The following HERC3 variants were observed in gnomAD, a reference collection of about 807,000 sequenced individuals.
The protein encoded by HERC3 is HECT and RLD domain containing E3 ubiquitin protein ligase 3.
HERC3 carries 58 observed loss-of-function variants against 129.9 expected under a neutral mutation model. The observed-to-expected ratio is 0.45, with a 90% CI of 0.36 to 0.56. HERC3 has a LOEUF of 0.56. HERC3 is among the 20% of genes least tolerant of loss of function. HERC3 has a pLI of 0.00. For missense variants in HERC3, 835 were observed against 1,244.2 expected, an observed-to-expected ratio of 0.67 and a Z score of 4.95; for synonymous variants, 430 against 451.0, an observed-to-expected ratio of 0.95 and a Z score of 0.59.
the HERC3 span, among the ~76,000 whole-genome samples, chr4:88,564,024 T>C: frequency 3.3e-5 from 5 of 152,228 alleles, no homozygotes; most frequent in South Asian, 4.1e-4. Flanking sequence ...ATCAAATGCT[T>C]TTTCTACATC....
At chr4:88,623,474 GA>G (rs1214727035) in intron 3 of HERC3, among the ~76,000 whole-genome samples, 1 of 152,150 alleles carries the variant, frequency 6.6e-6, no homozygotes, top group Admixed American at 6.5e-5. Flanking sequence ...ATGAATGAAT[GA>G]ATAGCTCATT....
At chr4:88,669,607 T>C (rs141863934) in intron 14 of HERC3, among the ~76,000 whole-genome samples, 6 of 152,344 alleles carry the variant, frequency 3.9e-5, no homozygotes, top group African/African-American at 1.4e-4. Context: ...AATTGGACTT[T>C]TAAGTTAACC....
the HERC3 span, among the ~76,000 whole-genome samples, chr4:88,550,612 C>T: frequency 3.3e-5 from 5 of 152,152 alleles, no homozygotes; most frequent in Non-Finnish European, 1.5e-5. Context: ...GAACTACAAA[C>T]CGCTGCTCAA....
the HERC3 span, among the ~76,000 whole-genome samples, chr4:88,541,781 G>T: frequency 5.3e-5 from 8 of 152,190 alleles, no homozygotes; most frequent in Non-Finnish European, 8.8e-5. Context: ...TAGAACTCAG[G>T]ATTAAGAAAC....
chr4:88,671,477 A>C (rs984695146), intron 16 of HERC3, among the ~76,000 whole-genome samples: 1 of 152,200 alleles, frequency 6.6e-6, no homozygotes, highest in Non-Finnish European at 1.5e-5. Context: ...TAAAAAATGC[A>C]TACAATGTTT....
chr4:88,588,879 A>T (rs114355705), upstream of HERC3, among the ~76,000 whole-genome samples: 1,367 of 152,314 alleles, frequency 9.0e-3, 18 homozygotes, highest in African/African-American at 0.031. Flanking sequence ...CACTGGGCAT[A>T]CCTTGTCTAA....
chr4:88,596,630 C>G (rs978145886), intron 2 of HERC3, among the ~76,000 whole-genome samples: 2 of 152,242 alleles, frequency 1.3e-5, no homozygotes, highest in African/African-American at 4.8e-5. Context: ...AGCAGCCATA[C>G]TGCCTCAACA....
Position 88,621,150 on chromosome 4 carries a change from C to T in HERC3, c.226+15101C>T, listed in dbSNP as rs114566217. Among the ~76,000 whole-genome samples the T allele has an allele frequency of 6.7e-3, 1,027 of 152,242 alleles. 12 individuals carry two copies. The highest frequency in any genetic ancestry group is 0.024 in the African/African-American group (977 of 41,526). ...TGAGTCGGAGTCTCGCTCTGTCACCCAGCTGGAGTGCAGTGGTACGATCTT... is the reference window on the plus strand; with the variant it reads ...TGAGTCGGAGTCTCGCTCTGTCACCTAGCTGGAGTGCAGTGGTACGATCTT... On this transcript the variant is annotated intron_variant, in intron 3 of 25. Coordinates refer to ENST00000402738, the MANE Select transcript of HERC3 (RefSeq NM_014606.3).
At position 88,600,655 on chromosome 4, in the gene HERC3, A is replaced by C. The variant is rs535701148; in HGVS notation, c.-30+5041A>C. ...GCTTTTCCATTGTATCTATAGCTTC[A>C]TTATGTACTCTGGATATTACTTTAG... On this transcript the variant is annotated intron_variant, in intron 2 of 25. Coordinates refer to ENST00000402738, the MANE Select transcript of HERC3 (RefSeq NM_014606.3). 2.0e-5 allele frequency among the ~76,000 whole-genome samples: 3 copies of C among 152,308 alleles called. No homozygotes were observed. In the South Asian group the frequency reaches 6.2e-4, roughly 32 times the overall value.
chr4:88,708,362 G>A lies in HERC3; in HGVS notation c.*1402G>A, dbSNP rs1735934641. ...AAGCATCAAATCTTGATGAAGGATT[G>A]TAGATTTTTGCTTTTTCTTTTTGTT... On this transcript the variant is annotated 3_prime_UTR_variant, in exon 26 of 26. Coordinates refer to ENST00000402738, the MANE Select transcript of HERC3 (RefSeq NM_014606.3). 1 of 152,464 alleles carries A rather than the reference G, an allele frequency of 6.6e-6. No individual in the cohort carries two copies. Among genetic ancestry groups the A allele is most frequent in the African/African-American group, 2.4e-5 (1 of 41,382 alleles). The allele number at this position is 152,464 out of a possible 1,614,324, so 9.4% of individuals were successfully genotyped here. A position where few individuals can be genotyped will look rare whatever the true frequency, so the allele number is the denominator to read the frequency against.
chr4:88,603,104 T>A (rs1723195161), intron 2 of HERC3, among the ~76,000 whole-genome samples: 1 of 152,164 alleles, frequency 6.6e-6, no homozygotes, highest in Non-Finnish European at 1.5e-5. Flanking sequence ...TAGACACCAC[T>A]GTTCTCAAAA....
intron 3 of HERC3, among the ~76,000 whole-genome samples, chr4:88,636,679 CAG>C (rs1727444200): frequency 6.6e-6 from 1 of 152,212 alleles, no homozygotes; most frequent in African/African-American, 2.4e-5. Context: ...CCCAAAACAA[CAG>C]AGTGTACATT....
In HERC3 at chr4:88,593,844, G is replaced by A. The variant is rs542052702; in HGVS notation, c.-88+1270G>A. On this transcript the variant is annotated intron_variant, in intron 1 of 25. Coordinates refer to ENST00000402738, the MANE Select transcript of HERC3 (RefSeq NM_014606.3). ...ATCGGGTATCATGTTTTAGTCGGCA[G>A]ATTACTGTGAAGCTCTCTCCTTTTG... is the stretch of plus-strand genomic sequence containing the variant. Among the ~76,000 whole-genome samples, 5 of 152,358 alleles carry A rather than the reference G, an allele frequency of 3.3e-5. No homozygotes were observed. The South Asian group carries it at 8.3e-4, about 25-fold the overall frequency.
chr4:88,687,184 T>C, intron 22 of HERC3, 33 bp from the exon 23 acceptor site: 1 of 1,528,832 alleles, frequency 6.5e-7, no homozygotes, highest in South Asian at 1.1e-5. Context: ...GTTAACAAAA[T>C]TGAAATATTT....
At chr4:88,600,159 CATT>C (rs955974358) in intron 2 of HERC3, among the ~76,000 whole-genome samples, 2 of 152,068 alleles carry the variant, frequency 1.3e-5, no homozygotes, top group African/African-American at 4.8e-5. Context: ...TTAATAATGT[CATT>C]ATTAATATTA....
the HERC3 span, among the ~76,000 whole-genome samples, chr4:88,556,518 G>C: frequency 6.6e-6 from 1 of 152,166 alleles, no homozygotes. Context: ...AATAATCACT[G>C]TGGTAACAGC....
intron 2 of HERC3, among the ~76,000 whole-genome samples, chr4:88,604,701 T>C (rs1046708004): frequency 6.6e-6 from 1 of 152,242 alleles, no homozygotes; most frequent in Non-Finnish European, 1.5e-5. Flanking sequence ...CCTTTCAATA[T>C]GTATAATGCT....
the HERC3 span, among the ~76,000 whole-genome samples, chr4:88,543,188 C>G: frequency 6.6e-6 from 1 of 152,086 alleles, no homozygotes; most frequent in South Asian, 2.1e-4. Context: ...TTTAGAAGAT[C>G]CCCTCATCTC....
intron 11 of HERC3, among the ~76,000 whole-genome samples, chr4:88,663,283 A>C (rs1345383313): frequency 1.3e-5 from 2 of 152,186 alleles, no homozygotes; most frequent in East Asian, 3.9e-4. Context: ...GTTGTGAGTG[A>C]GAGAGCATTA....
Sources: allele counts gnomAD v4.1 joint callset (sites outside exome capture counted in the v4.1 genomes callset), GRCh38; gene constraint gnomAD v4.1.1; transcripts MANE v1.5; gene names NCBI Gene and HGNC (gene_info 2026-07-23, HGNC 2026-07-21).